NKAIN3: variants seen among roughly 807,000 people sequenced by gnomAD.
NKAIN3 encodes the protein sodium/potassium-transporting ATPase subunit beta-1-interacting protein 3.
Under a neutral mutation model 30.2 loss-of-function variants are expected in NKAIN3, and 25 were observed. The ratio of observed to expected loss-of-function variants is 0.83; its 90% confidence interval spans 0.60 to 1.16. NKAIN3 has a LOEUF of 1.16. Among genes scored for constraint, NKAIN3 ranks in the 50% most tolerant of loss-of-function variants. The pLI, the probability that NKAIN3 is intolerant of heterozygous loss-of-function variation, is 0.00. For missense variants in NKAIN3, 225 were observed against 254.1 expected (o/e 0.89, Z 0.78); for synonymous variants, 91 against 89.6 (o/e 1.02, Z -0.09).
intron 4 of NKAIN3, among the ~76,000 whole-genome samples, chr8:62,868,057 T>G (rs1277977807): frequency 1.3e-5 from 2 of 152,038 alleles, no homozygotes; most frequent in Admixed American, 1.3e-4. Context: ...TTGCAAAGAG[T>G]GTACTGGATC....
chr8:62,504,922 T>A (rs1168311800), intron 1 of NKAIN3, among the ~76,000 whole-genome samples: 2 of 152,212 alleles, frequency 1.3e-5, no homozygotes, highest in African/African-American at 4.8e-5. Context: ...ATGCTCTTCT[T>A]CCCTGATAAA....
intron 3 of NKAIN3, among the ~76,000 whole-genome samples, chr8:62,739,110 G>A (rs981769808): frequency 2.0e-5 from 3 of 152,120 alleles, no homozygotes; most frequent in Non-Finnish European, 4.4e-5. Flanking sequence ...ACCAGGGCCT[G>A]TTGGGGGTTG....
At chr8:62,627,631 T>G (rs1239831096) in intron 3 of NKAIN3, among the ~76,000 whole-genome samples, 4 of 152,120 alleles carry the variant, frequency 2.6e-5, no homozygotes, top group Admixed American at 1.3e-4. Context: ...AGGATGATGG[T>G]GATTTCAGTA....
At chr8:62,689,802 A>G (rs1813907120) in intron 3 of NKAIN3, among the ~76,000 whole-genome samples, 1 of 152,038 alleles carries the variant, frequency 6.6e-6, no homozygotes, top group Non-Finnish European at 1.5e-5. Context: ...TCAATCATCG[A>G]GTCAGATGAG....
chr8:62,479,849 G>A (rs191760530), intron 1 of NKAIN3, among the ~76,000 whole-genome samples: 1 of 152,106 alleles, frequency 6.6e-6, no homozygotes, highest in African/African-American at 2.4e-5. Context: ...AGGTTGGTCA[G>A]GATATTTCTG....
chr8:62,523,367 T>C (rs1258077048), intron 1 of NKAIN3, among the ~76,000 whole-genome samples: 1 of 152,072 alleles, frequency 6.6e-6, no homozygotes, highest in African/African-American at 2.4e-5. Flanking sequence ...CAAAGCATGA[T>C]TTTATTGTGC....
At chr8:62,868,256 G>A (rs1445564162) in intron 4 of NKAIN3, among the ~76,000 whole-genome samples, 2 of 151,854 alleles carry the variant, frequency 1.3e-5, no homozygotes, top group Admixed American at 6.6e-5. Flanking sequence ...GAACTTTAAT[G>A]AAAGCAAAAA....
chr8:62,983,265 G>A lies in NKAIN3; in HGVS notation c.*17858G>A, dbSNP rs1354721821. Reference sequence around the variant, plus strand: ...GCAAAAAAAACAGATTCTACCCACCGGGAGCTCCTAGTCCAGTGGTGAAGA... The same window carrying A: ...GCAAAAAAAACAGATTCTACCCACCAGGAGCTCCTAGTCCAGTGGTGAAGA... On this transcript the variant is annotated 3_prime_UTR_variant, in exon 7 of 7. Transcript: ENST00000623646. 1.3e-5 allele frequency: 2 copies of A among 152,090 alleles called. No individual in the cohort carries two copies. The highest frequency in any genetic ancestry group is 3.9e-4 in the East Asian group (2 of 5,176). 9.4% of individuals were successfully genotyped at this position (152,090 alleles called of 1,614,324 possible).
intron 1 of NKAIN3, among the ~76,000 whole-genome samples, chr8:62,414,082 A>G (rs72649399): frequency 2.6e-5 from 4 of 152,262 alleles, no homozygotes; most frequent in Non-Finnish European, 5.9e-5. Flanking sequence ...GTGCATACGT[A>G]TGTCTTTGAT....
At chr8:62,914,915 A>G (rs558030765) in intron 4 of NKAIN3, among the ~76,000 whole-genome samples, 94 of 151,864 alleles carry the variant, frequency 6.2e-4, no homozygotes, top group African/African-American at 2.2e-3. Flanking sequence ...TTTAAGCCCC[A>G]CATGCATTAG....
chr8:62,857,613 AT>A (rs1820102203), intron 4 of NKAIN3, among the ~76,000 whole-genome samples: 1 of 152,150 alleles, frequency 6.6e-6, no homozygotes, highest in African/African-American at 2.4e-5. Flanking sequence ...AAGCTCTGAA[AT>A]TCTTTCTTCC....
intron 1 of NKAIN3, among the ~76,000 whole-genome samples, chr8:62,566,712 CT>C (rs934706313): frequency 2.0e-4 from 31 of 151,924 alleles, no homozygotes; most frequent in Admixed American, 1.5e-3. Context: ...CCAGCTCCAA[CT>C]TTTTTTTCAG....
intron 4 of NKAIN3, among the ~76,000 whole-genome samples, chr8:62,795,213 C>G (rs2130680742): frequency 6.6e-6 from 1 of 152,288 alleles, no homozygotes; most frequent in South Asian, 2.1e-4. Flanking sequence ...GCTGCTAAAA[C>G]CTTATCCTGA....
rs189933294 is a variant in NKAIN3 at position 62,470,518 on chromosome 8, T to G, written c.55-109021T>G. 4.6e-5 allele frequency among the ~76,000 whole-genome samples: 7 copies of G among 152,188 alleles called. No individual in the cohort carries two copies. The East Asian group carries it at 1.4e-3, about 30-fold the overall frequency. ...TAATTTAATGTCTAAATCCTGAATCTTTTTGCTAACTGCAGATGCAGGATT... is the reference window on the plus strand; with the variant it reads ...TAATTTAATGTCTAAATCCTGAATCGTTTTGCTAACTGCAGATGCAGGATT... On this transcript the variant is annotated intron_variant, in intron 1 of 6. Coordinates refer to ENST00000623646, the MANE Select transcript of NKAIN3 (RefSeq NM_001304533.3).
chr8:62,364,846 A>AAAAAAAAAAAAAAAG (rs1816686345), intron 1 of NKAIN3, among the ~76,000 whole-genome samples: 1 of 151,108 alleles, frequency 6.6e-6, no homozygotes, highest in Non-Finnish European at 1.5e-5. Context: ...AAAAAAAAAA[A>AAAAAAAAAAAAAAAG]AAAAATCATC....
At chr8:62,629,498 CACAT>C (rs1480527416) in intron 3 of NKAIN3, among the ~76,000 whole-genome samples, 4 of 152,096 alleles carry the variant, frequency 2.6e-5, no homozygotes, top group Non-Finnish European at 2.9e-5. Context: ...TCCATAGCAG[CACAT>C]ACTTCATAAG....
Position 62,966,797 on chromosome 8 carries a change from T to C in NKAIN3, c.*1390T>C, listed in dbSNP as rs899419299. ...GGCCAGAAAGTTGTGAATATGTGGT[T>C]ATTAACTCAGCCCATGCATCTCTAA... On this transcript the variant is annotated 3_prime_UTR_variant, in exon 7 of 7. Coordinates refer to ENST00000623646, the MANE Select transcript of NKAIN3 (RefSeq NM_001304533.3). Among the ~76,000 whole-genome samples the C allele has an allele frequency of 6.6e-6, 1 of 152,252 alleles. No individual in the cohort carries two copies. The highest frequency in any genetic ancestry group is 2.1e-4 in the South Asian group (1 of 4,828).
At chr8:62,753,071 T>C (rs140157850) in intron 4 of NKAIN3, among the ~76,000 whole-genome samples, 45 of 152,242 alleles carry the variant, frequency 3.0e-4, no homozygotes, top group African/African-American at 1.1e-3. Context: ...GTTGCTTTGC[T>C]TCCAGTGGGG....
At chr8:62,877,050 A>G (rs956372652) in intron 4 of NKAIN3, among the ~76,000 whole-genome samples, 3 of 152,038 alleles carry the variant, frequency 2.0e-5, no homozygotes, top group East Asian at 1.9e-4. Context: ...GAAGGGGTCA[A>G]TTAGGAAGAA....
Sources: gnomAD v4.1 joint callset for allele counts (sites outside exome capture counted in the v4.1 genomes callset) on GRCh38, gnomAD v4.1.1 for gene constraint, MANE v1.5 for transcripts, NCBI Gene and HGNC (gene_info 2026-07-23, HGNC 2026-07-21) for gene names.